MSR1: variants seen among roughly 807,000 people sequenced by gnomAD.
The protein encoded by MSR1 is macrophage scavenger receptor types I and II.
MSR1 carries 53 observed loss-of-function variants against 47.2 expected under a neutral mutation model. The observed-to-expected ratio is 1.12, with a 90% confidence interval of 0.90 to 1.41. The LOEUF is 1.41. MSR1 is among the 40% of genes most tolerant of loss of function. MSR1 has a pLI of 0.00. For missense variants in MSR1, 786 were observed against 546.9 expected (o/e 1.44, Z -4.36); for synonymous variants, 239 against 185.6 (o/e 1.29, Z -2.34).
chr8:16,142,160 A>C (rs351560), intron 8 of MSR1, among the ~76,000 whole-genome samples: 148,004 of 152,060 alleles, frequency 0.97, 72,157 homozygotes, highest in East Asian at 1. Flanking sequence ...GAAACCCCGT[A>C]TCTACTAAAT....
chr8:16,174,845 G>C (rs749871523), intron 3 of MSR1, among the ~76,000 whole-genome samples: 131 of 152,004 alleles, frequency 8.6e-4, no homozygotes, highest in Non-Finnish European at 4.0e-4. Flanking sequence ...TTGGCAAAAT[G>C]AATACTTTTA....
At chr8:16,126,044 TTTC>T (rs1159354809) in intron 8 of MSR1, among the ~76,000 whole-genome samples, 5 of 152,138 alleles carry the variant, frequency 3.3e-5, no homozygotes, top group South Asian at 4.1e-4. Flanking sequence ...ATAAATATTA[TTTC>T]TTTTCTTTAT....
chr8:16,150,803 G>C (rs1055252686), intron 6 of MSR1, among the ~76,000 whole-genome samples: 7 of 151,020 alleles, frequency 4.6e-5, no homozygotes, highest in Admixed American at 6.6e-5. Context: ...TCATGGACCT[G>C]TTCTTACATA....
At chr8:16,166,085 G>C (rs1024261273) in intron 4 of MSR1, among the ~76,000 whole-genome samples, 1 of 151,370 alleles carries the variant, frequency 6.6e-6, no homozygotes, top group African/African-American at 2.4e-5. Flanking sequence ...TAAGTGACTA[G>C]ACAGTGATTT....
intron 8 of MSR1, among the ~76,000 whole-genome samples, chr8:16,130,952 G>C (rs945978682): frequency 6.6e-6 from 1 of 152,062 alleles, no homozygotes; most frequent in Non-Finnish European, 1.5e-5. Flanking sequence ...ATGAGAGTAT[G>C]TGTTTTTATG....
chr8:16,116,109 T>A (rs1799871423), intron 9 of MSR1, among the ~76,000 whole-genome samples: 1 of 152,200 alleles, frequency 6.6e-6, no homozygotes, highest in Non-Finnish European at 1.5e-5. Context: ...AGCAAATAAA[T>A]GTGTGATAAC....
chr8:16,158,696 T>C (rs73665235), intron 5 of MSR1, among the ~76,000 whole-genome samples: 6,321 of 151,982 alleles, frequency 0.042, 470 homozygotes, highest in African/African-American at 0.14. Context: ...ACTTTAAACA[T>C]TGTTTAACTA....
At position 16,150,289 on chromosome 8, in the gene MSR1, A is replaced by G; in HGVS notation, c.921T>C (p.Asp307=). The G allele has an allele frequency of 1.3e-6, 2 of 1,573,568 alleles. No individual in the cohort carries two copies. The highest frequency in any genetic ancestry group is 1.7e-6 in the Non-Finnish European group (2 of 1,157,280). ...TTCCAGGAAAGCCAATTGCTCCCCG[A>G]TCACCTTTAAGACCCGGAGGACCTA... ...GPIGPPGLKG[D]RGAIGFPGSR... The change falls in exon 7 of 10, where the codon GAT becomes GAC. Residue 307 remains aspartate, a synonymous_variant. Coordinates refer to ENST00000262101, the MANE Select transcript of MSR1 (RefSeq NM_138715.3).
intron 2 of MSR1, 56 bp downstream of exon 2, chr8:16,177,830 T>C: frequency 2.2e-6 from 3 of 1,389,878 alleles, no homozygotes; most frequent in South Asian, 1.2e-5. Flanking sequence ...TAATTTTATA[T>C]TTTGTCAATA....
In MSR1 at chr8:16,150,128, A is replaced by ATG. The variant is rs142754636; in HGVS notation, c.979+101_979+102dup. 2.8e-3 allele frequency: 537 copies of ATG among 195,218 alleles called. 9 individuals carry two copies. Among genetic ancestry groups the ATG allele is most frequent in the African/African-American group, 0.016 (473 of 29,108 alleles). 12.1% of individuals were successfully genotyped at this position (195,218 alleles called of 1,614,324 possible). On this transcript the variant is annotated intron_variant, in intron 7 of 9. Transcript: ENST00000262101. ...CATATATAACATTATGTGTGTGTGT[A>ATG]TGTGTGTGTGTGTATATATATATAT...
chr8:16,150,987 C>T (rs1355437692), intron 6 of MSR1, among the ~76,000 whole-genome samples: 7 of 151,548 alleles, frequency 4.6e-5, no homozygotes, highest in African/African-American at 1.7e-4. Flanking sequence ...TTTTTTTACC[C>T]AATATTACTA....
At chr8:16,134,730 G>T (rs1450385103) in intron 8 of MSR1, among the ~76,000 whole-genome samples, 1 of 152,184 alleles carries the variant, frequency 6.6e-6, no homozygotes, top group Non-Finnish European at 1.5e-5. Flanking sequence ...CAGGCTGAAA[G>T]TATGAAATTT....
At chr8:16,136,458 C>T (rs1206419507) in intron 8 of MSR1, among the ~76,000 whole-genome samples, 1 of 151,748 alleles carries the variant, frequency 6.6e-6, no homozygotes, top group Non-Finnish European at 1.5e-5. Flanking sequence ...ATTATATGCA[C>T]TGGGAAACCA....
At position 16,120,505 on chromosome 8, in the gene MSR1, A is replaced by T. The variant is rs781324918; in HGVS notation, c.1135T>A (p.Trp379Arg). 3.1e-6 allele frequency: 5 copies of T among 1,613,798 alleles called. No individual in the cohort carries two copies. Among genetic ancestry groups the T allele is most frequent in the Non-Finnish European group, 4.2e-6 (5 of 1,179,900 alleles). Residue 379 changes from tryptophan to arginine, a missense_variant, in exon 9 of 10, where the codon TGG becomes AGG. Physicochemically the swap from Trp to Arg is moderately radical, Grantham distance 101. Coordinates refer to ENST00000262101, the MANE Select transcript of MSR1 (RefSeq NM_138715.3). Reference protein sequence around the residue: ...GQWGTICDDRWEVRVGQVVCR... With the variant: ...GQWGTICDDRREVRVGQVVCR... ...ACGACCTGTCCAACGCGCACTTCCCAGCGATCGTCACAAATTGTACCCCAC... is the reference window on the plus strand; with the variant it reads ...ACGACCTGTCCAACGCGCACTTCCCTGCGATCGTCACAAATTGTACCCCAC...
intron 8 of MSR1, among the ~76,000 whole-genome samples, chr8:16,129,800 G>T (rs551409057): frequency 6.6e-6 from 1 of 152,028 alleles, no homozygotes; most frequent in Non-Finnish European, 1.5e-5. Context: ...TTCCAGAGAC[G>T]ATCGGCTGAA....
In MSR1 at chr8:16,129,157, T is replaced by C. The variant is rs376060714; in HGVS notation, c.1034-8551A>G. Among the ~76,000 whole-genome samples the C allele has an allele frequency of 1.4e-3, 211 of 152,264 alleles. 3 individuals carry two copies. Among genetic ancestry groups the C allele is most frequent in the African/African-American group, 5.1e-3 (210 of 41,572 alleles). On this transcript the variant is annotated intron_variant, in intron 8 of 9. Coordinates refer to ENST00000262101, the MANE Select transcript of MSR1 (RefSeq NM_138715.3). ...TGCAGTTAAAGAGGTTTACTTGTTCTTTGAACTTTCTAGGAAATAAAAATG... is the reference window on the plus strand; with the variant it reads ...TGCAGTTAAAGAGGTTTACTTGTTCCTTGAACTTTCTAGGAAATAAAAATG...
intron 1 of MSR1, among the ~76,000 whole-genome samples, chr8:16,192,068 C>T (rs555040287): frequency 1.2e-4 from 19 of 152,036 alleles, no homozygotes; most frequent in Admixed American, 2.0e-4. Context: ...GATTCCGGAG[C>T]ACAAAAAGAA....
At chr8:16,169,203 G>C (rs1322534742) in intron 3 of MSR1, among the ~76,000 whole-genome samples, 1 of 152,152 alleles carries the variant, frequency 6.6e-6, no homozygotes, top group Non-Finnish European at 1.5e-5. Flanking sequence ...AAGGCTATGT[G>C]TCTACAGAAC....
At chr8:16,150,140 G>GTGTGTGTGTATATATATA (rs1402495981) in intron 7 of MSR1, 91 bp downstream of exon 7, 2 of 172,634 alleles carry the variant, frequency 1.2e-5, no homozygotes, top group African/African-American at 6.2e-5. Context: ...GTGTGTGTGT[G>GTGTGTGTGTATATATATA]TATATATATA....
Sources: allele counts gnomAD v4.1 joint callset (sites outside exome capture counted in the v4.1 genomes callset), GRCh38; gene constraint gnomAD v4.1.1; transcripts MANE v1.5; gene names NCBI Gene and HGNC (gene_info 2026-07-23, HGNC 2026-07-21).